DHX57: variants seen among roughly 807,000 people sequenced by gnomAD.
DHX57 encodes the protein DExH-box helicase 57, also known as putative ATP-dependent RNA helicase DHX57.
In DHX57, 105 loss-of-function variants were observed where a neutral mutation model predicts 156.2. The ratio of observed to expected loss-of-function variants is 0.67; its 90% CI spans 0.57 to 0.79. The LOEUF (loss-of-function observed/expected upper bound fraction) is 0.79. Ranked by LOEUF, DHX57 falls within the 30% of genes least tolerant of loss-of-function variation. The probability of loss-of-function intolerance (pLI) is 0.00; values close to 1 mark genes in which losing one functional copy is unlikely to be tolerated. For missense variants in DHX57, 1,847 were observed against 1,661.9 expected, an observed-to-expected ratio of 1.11 and a Z score of -1.94; for synonymous variants, 704 against 595.6, an observed-to-expected ratio of 1.18 and a Z score of -2.65.
Position 38,850,692 on chromosome 2 carries a change from C to CAGAGAAA in DHX57, c.2031-2291_2031-2290insTTTCTCT, listed in dbSNP as rs1672539933. The stretch of plus-strand genomic sequence containing the variant: ...TTTATGACTATTTTTGTTTCTTTTT[C>CAGAGAAA]AGGGAAATAGTCCAACAACAACAGG... On this transcript the variant is annotated intron_variant, in intron 9 of 23. Coordinates refer to ENST00000457308, the MANE Select transcript of DHX57 (RefSeq NM_198963.3). 2.0e-5 allele frequency among the ~76,000 whole-genome samples: 3 copies of CAGAGAAA among 151,786 alleles called. No individual in the cohort carries two copies. The South Asian group carries it at 6.2e-4, about 32-fold the overall frequency.
intron 13 of DHX57, among the ~76,000 whole-genome samples, chr2:38,837,587 G>C (rs1402842460): frequency 1.8e-5 from 1 of 55,058 alleles, no homozygotes; most frequent in East Asian, 7.1e-4. Flanking sequence ...CTCCAGCCTG[G>C]GCAACAAGAG....
At chr2:38,857,538 T>C (rs1002938611) in intron 6 of DHX57, among the ~76,000 whole-genome samples, 6 of 152,224 alleles carry the variant, frequency 3.9e-5, no homozygotes, top group African/African-American at 1.4e-4. Flanking sequence ...TTTATATACA[T>C]TGTGATGTTC....
At chr2:38,823,537 GATA>G (rs1333599654) in intron 16 of DHX57, among the ~76,000 whole-genome samples, 2 of 152,214 alleles carry the variant, frequency 1.3e-5, no homozygotes, top group East Asian at 3.9e-4. Context: ...CATGACAAAA[GATA>G]ATAAGTGTTG....
At chr2:38,856,246 G>T in intron 7 of DHX57, 94 bp downstream of exon 7, 1 of 1,499,360 alleles carries the variant, frequency 6.7e-7, no homozygotes, top group Non-Finnish European at 8.9e-7. Context: ...TATAAATCCA[G>T]CTACAGTTTT....
intron 21 of DHX57, chr2:38,811,521 T>C: frequency 2.0e-6 from 2 of 995,342 alleles, no homozygotes; most frequent in Admixed American, 3.5e-5. Flanking sequence ...CCTGGCTTCC[T>C]TGAAGTCTTC....
intron 22 of DHX57, 52 bp downstream of exon 22, chr2:38,806,507 T>C: frequency 6.3e-7 from 1 of 1,584,050 alleles, no homozygotes. Flanking sequence ...AGGAATTGCA[T>C]TTCCTACCCC....
At position 38,868,280 on chromosome 2, in the gene DHX57, A is replaced by G. The variant is rs1665183190; in HGVS notation, c.126T>C (p.Gly42=). ...KSHGSGGGGG[G]GGGGGGGNRK... ...TGTTGCCGCCACCTCCACCACCACC[A>G]CCACCGCCACCGCCACCACTCCCAT... The change falls in exon 2 of 24, where the codon GGT becomes GGC. Residue 42 remains glycine, a synonymous_variant. Transcript: ENST00000457308. The G allele has an allele frequency of 6.4e-7, 1 of 1,560,942 alleles. No homozygotes were observed. Among genetic ancestry groups the G allele is most frequent in the Non-Finnish European group, 8.7e-7 (1 of 1,145,850 alleles).
intron 2 of DHX57, among the ~76,000 whole-genome samples, chr2:38,867,420 T>G (rs533974732): frequency 2.2e-4 from 34 of 152,320 alleles, no homozygotes; most frequent in Admixed American, 1.2e-3. Flanking sequence ...TAGTTAAAAG[T>G]TGAACAGGAG....
At chr2:38,854,267 A>C (rs1158096466) in intron 8 of DHX57, 89 bp from the exon 9 acceptor site, 1 of 1,373,142 alleles carries the variant, frequency 7.3e-7, no homozygotes, top group Non-Finnish European at 9.9e-7. Context: ...GGATAGTGAT[A>C]AAAAATATTG....
At chr2:38,838,320 C>T (rs1039159850) in intron 12 of DHX57, among the ~76,000 whole-genome samples, 1 of 152,106 alleles carries the variant, frequency 6.6e-6, no homozygotes, top group Non-Finnish European at 1.5e-5. Flanking sequence ...AGGCTGGTCT[C>T]GAACTCCCAG....
At position 38,854,145 on chromosome 2, in the gene DHX57, C is replaced by T. The variant is rs1345532369; in HGVS notation, c.1939G>A (p.Gly647Arg). 1 of 1,613,572 alleles carries T rather than the reference C, an allele frequency of 6.2e-7. No individual in the cohort carries two copies. Among genetic ancestry groups the T allele is most frequent in the African/African-American group, 1.3e-5 (1 of 74,882 alleles). Residue 647 changes from glycine to arginine, a missense_variant, in exon 9 of 24, where the codon GGA (glycine) becomes AGA (arginine). By Grantham distance (125) the Gly-to-Arg change is moderately radical (BLOSUM62 -2). Coordinates refer to ENST00000457308, the MANE Select transcript of DHX57 (RefSeq NM_198963.3). Reference sequence around the variant, plus strand: ...CCTTCTAGCCTTCTCAGCAGCACTCCCGTGGTGCAGTATAACAGTCTGGTG... The same window carrying T: ...CCTTCTAGCCTTCTCAGCAGCACTCTCGTGGTGCAGTATAACAGTCTGGTG... ...SATRLLYCTT[G>R]VLLRRLEGDT...
chr2:38,800,911 A>G (rs1669650535), intron 23 of DHX57, among the ~76,000 whole-genome samples: 1 of 152,226 alleles, frequency 6.6e-6, no homozygotes, highest in South Asian at 2.1e-4. Context: ...TATAAAATAT[A>G]TACCCGATTT....
chr2:38,826,096 C>T, intron 15 of DHX57, 49 bp from the exon 16 acceptor site: 2 of 1,562,262 alleles, frequency 1.3e-6, no homozygotes, highest in South Asian at 1.1e-5. Context: ...AAAAACATGG[C>T]CAAGACTGCT....
At chr2:38,856,144 A>G (rs1672882171) in intron 7 of DHX57, among the ~76,000 whole-genome samples, 196 bp downstream of exon 7, 1 of 152,248 alleles carries the variant, frequency 6.6e-6, no homozygotes, top group Non-Finnish European at 1.5e-5. Context: ...TAAATGTTCT[A>G]GAACTATCCT....
chr2:38,846,809 C>A (rs776269661), intron 11 of DHX57, among the ~76,000 whole-genome samples: 35 of 151,338 alleles, frequency 2.3e-4, no homozygotes, highest in Non-Finnish European at 1.0e-4. Flanking sequence ...AGTATTCTGG[C>A]ACATTGAGGG....
At chr2:38,848,436 A>T (rs1482631684) in intron 9 of DHX57, 34 bp from the exon 10 acceptor site, 1 of 1,553,814 alleles carries the variant, frequency 6.4e-7, no homozygotes, top group African/African-American at 1.4e-5. Context: ...TGAGGATCAA[A>T]CAAATTCAAC....
At position 38,802,815 on chromosome 2, in the gene DHX57, A is replaced by G; in HGVS notation, c.3917T>C (p.Val1306Ala). The G allele has an allele frequency of 6.2e-7, 1 of 1,614,146 alleles. No homozygotes were observed. The highest frequency in any genetic ancestry group is 8.5e-7 in the Non-Finnish European group (1 of 1,180,026). ...DCSMVSVYPL[V>A]LFGGGQVNVQ... Reference sequence around the variant, plus strand: ...ATTCACTTGGCCTCCTCCAAACAAGACCAGCGGGTACACAGACACCATGCT... The same window carrying G: ...ATTCACTTGGCCTCCTCCAAACAAGGCCAGCGGGTACACAGACACCATGCT... The change falls in exon 23 of 24, where the codon GTC (valine) becomes GCC (alanine). Residue 1306 changes from valine to alanine, a missense_variant. Val to Ala is a moderately conservative substitution (Grantham distance 64, BLOSUM62 0). Coordinates refer to ENST00000457308, the MANE Select transcript of DHX57 (RefSeq NM_198963.3).
chr2:38,850,983 A>G (rs1672560538), intron 9 of DHX57, among the ~76,000 whole-genome samples: 1 of 152,126 alleles, frequency 6.6e-6, no homozygotes, highest in Admixed American at 6.5e-5. Context: ...AGGCCGAGGC[A>G]GGAGGATCGC....
At position 38,843,092 on chromosome 2, in the gene DHX57, A is replaced by T. The variant is rs1331098164; in HGVS notation, c.2338T>A (p.Ser780Thr). ...GAATCCTGATCCTGGAGGTGAAGGG[A>T]GAGCCTTAGGTCTTCTTCCACTTCT... ...FEEVEEDLRL[S>T]LHLQDQDSVK... The change falls in exon 12 of 24, where the codon TCC becomes ACC. Residue 780 changes from serine to threonine, a missense_variant. Physicochemically the swap from Ser to Thr is moderately conservative, Grantham distance 58. Transcript: ENST00000457308. The T allele has an allele frequency of 6.2e-7, 1 of 1,614,084 alleles. No homozygotes were observed. Among genetic ancestry groups the T allele is most frequent in the African/African-American group, 1.3e-5 (1 of 74,942 alleles).
Sources: allele counts gnomAD v4.1 joint callset (sites outside exome capture counted in the v4.1 genomes callset), GRCh38; gene constraint gnomAD v4.1.1; transcripts MANE v1.5; gene names NCBI Gene and HGNC (gene_info 2026-07-23, HGNC 2026-07-21).